The following CLASP1 variants were observed in gnomAD, a reference collection of about 807,000 sequenced individuals.
CLASP1 encodes CLIP-associating protein 1.
Under a neutral mutation model 192.3 loss-of-function variants are expected in CLASP1, and 38 were observed. That is an observed-to-expected ratio of 0.20 (90% CI 0.15 to 0.26). The LOEUF is 0.26. CLASP1 is among the 10% of genes least tolerant of loss of function. CLASP1 has a pLI of 1.00. For missense variants in CLASP1, 1,433 were observed against 1,932.5 expected, an observed-to-expected ratio of 0.74 and a Z score of 4.85; for synonymous variants, 691 against 712.8, an observed-to-expected ratio of 0.97 and a Z score of 0.49.
At chr2:121,578,383 C>T (rs1291881275) in intron 2 of CLASP1, among the ~76,000 whole-genome samples, 1 of 140,840 alleles carries the variant, frequency 7.1e-6, no homozygotes. Flanking sequence ...GATTACACCA[C>T]TGCACTCCAG....
At chr2:121,531,152 T>G (rs544680554) in intron 2 of CLASP1, 2 of 613,452 alleles carry the variant, frequency 3.3e-6, no homozygotes, top group Non-Finnish European at 5.9e-6. Context: ...TTGCGGTGAT[T>G]AAACGGGAAG....
chr2:121,488,383 G>C (rs1169161946), intron 8 of CLASP1, among the ~76,000 whole-genome samples: 1 of 152,134 alleles, frequency 6.6e-6, no homozygotes, highest in Non-Finnish European at 1.5e-5. Context: ...TCAGCAAAGG[G>C]ACTATCATCC....
rs188335544 is a variant in CLASP1, at chr2:121,549,793, C to G, written c.196-19468G>C. ...GGCAGAGGCGGGCAGATCATGAGGTCAGGAGATCGAGACCATCCTGGCTAA... is the reference window on the plus strand; with the variant it reads ...GGCAGAGGCGGGCAGATCATGAGGTGAGGAGATCGAGACCATCCTGGCTAA... On this transcript the variant is annotated intron_variant, in intron 2 of 39. Transcript: ENST00000263710. Among the ~76,000 whole-genome samples the G allele has an allele frequency of 2.8e-3, 415 of 150,182 alleles. 4 individuals carry two copies. The highest frequency in any genetic ancestry group is 0.024 in the East Asian group (121 of 5,100).
At chr2:121,537,558 A>G (rs1575788897) in intron 2 of CLASP1, among the ~76,000 whole-genome samples, 1 of 152,358 alleles carries the variant, frequency 6.6e-6, no homozygotes, top group East Asian at 1.9e-4. Flanking sequence ...CATTAGCTAC[A>G]TTGTTTAAAA....
intron 11 of CLASP1, 27 bp downstream of exon 11, chr2:121,461,074 T>A: frequency 1.5e-6 from 2 of 1,337,722 alleles, no homozygotes; most frequent in Non-Finnish European, 2.1e-6. Context: ...CTTATGAAAA[T>A]GTAATCACAT....
chr2:121,630,697 C>G (rs1299528428), intron 1 of CLASP1, among the ~76,000 whole-genome samples: 1 of 149,916 alleles, frequency 6.7e-6, no homozygotes, highest in East Asian at 2.0e-4. Flanking sequence ...AACTCTGTCT[C>G]TACTGAAAAT....
Position 121,546,821 on chromosome 2 carries a change from C to T in CLASP1, c.196-16496G>A, listed in dbSNP as rs140056098. On this transcript the variant is annotated intron_variant, in intron 2 of 39. Coordinates refer to ENST00000263710, the Ensembl canonical transcript of CLASP1. The stretch of plus-strand genomic sequence containing the variant: ...AACTAGGGGCAGACCCTGAGCATAG[C>T]ATGGCTGCTCTATGAAAAAGAGGTC... Among the ~76,000 whole-genome samples, 997 of 152,280 alleles carry T rather than the reference C, an allele frequency of 6.5e-3. 15 individuals are homozygous for T. The highest frequency in any genetic ancestry group is 0.023 in the African/African-American group (953 of 41,554).
At chr2:121,466,114 A>T (rs2089521318) in intron 9 of CLASP1, among the ~76,000 whole-genome samples, 1 of 152,240 alleles carries the variant, frequency 6.6e-6, no homozygotes, top group South Asian at 2.1e-4. Context: ...GAATAGTTCA[A>T]GAAAAAAGAT....
intron 1 of CLASP1, among the ~76,000 whole-genome samples, chr2:121,626,009 G>A (rs955003892): frequency 2.0e-5 from 3 of 151,354 alleles, no homozygotes; most frequent in Non-Finnish European, 4.4e-5. Context: ...TGAGGCAAGA[G>A]AATCACTTTG....
intron 8 of CLASP1, among the ~76,000 whole-genome samples, chr2:121,472,277 T>C (rs1370000888): frequency 6.6e-6 from 1 of 152,244 alleles, no homozygotes; most frequent in Non-Finnish European, 1.5e-5. Flanking sequence ...CCTGAAATTT[T>C]TGCTTGCATC....
At chr2:121,529,569 A>C (rs2094695682) in intron 3 of CLASP1, among the ~76,000 whole-genome samples, 1 of 152,238 alleles carries the variant, frequency 6.6e-6, no homozygotes, top group Non-Finnish European at 1.5e-5. Context: ...GGTTGCATAG[A>C]GATGCTTAGT....
At chr2:121,447,137 C>T (rs1381994144) in intron 19 of CLASP1, among the ~76,000 whole-genome samples, 200 bp downstream of exon 19, 1 of 152,188 alleles carries the variant, frequency 6.6e-6, no homozygotes, top group African/African-American at 2.4e-5. Context: ...AGCACTAAAA[C>T]GGATGATGCA....
chr2:121,474,629 G>C (rs7561895), intron 8 of CLASP1, among the ~76,000 whole-genome samples: 135 of 152,232 alleles, frequency 8.9e-4, no homozygotes, highest in African/African-American at 2.9e-3. Context: ...GCAGCTACTC[G>C]GGAGGCTGAG....
intron 37 of CLASP1, among the ~76,000 whole-genome samples, chr2:121,362,606 A>G (rs2066634352): frequency 6.6e-6 from 1 of 152,270 alleles, no homozygotes; most frequent in South Asian, 2.1e-4. Context: ...GAGGAAGGTC[A>G]GTACAGCAGC....
In CLASP1 at chr2:121,478,643, ACC is replaced by A. The variant is rs1486283470; in HGVS notation, c.713-8685_713-8684del. 2.5e-3 allele frequency among the ~76,000 whole-genome samples: 197 copies of A among 77,320 alleles called. 1 individual carries two copies. Among genetic ancestry groups the A allele is most frequent in the African/African-American group, 0.011 (190 of 17,116 alleles). 50.7% of individuals were successfully genotyped at this position (77,320 alleles called of 152,430 possible). A position where few individuals can be genotyped will look rare whatever the true frequency, so the allele number is the denominator to read the frequency against. On this transcript the variant is annotated intron_variant, in intron 8 of 39. Coordinates refer to ENST00000263710, the Ensembl canonical transcript of CLASP1. ...CACACACACACATACACACACACAC[ACC>A]CCCCACACACACACACCCCCCACAC...
chr2:121,649,285 C>G (rs966795609), intron 1 of CLASP1, 87 bp downstream of exon 1: 1 of 152,240 alleles, frequency 6.6e-6, no homozygotes, highest in African/African-American at 2.4e-5. Context: ...CGCCCCCACC[C>G]AGACCCGGCG....
At chr2:121,544,934 C>T (rs770972933) in intron 2 of CLASP1, among the ~76,000 whole-genome samples, 45 of 143,256 alleles carry the variant, frequency 3.1e-4, no homozygotes, top group East Asian at 2.8e-3. Context: ...ATTTTTGAGA[C>T]GGAGTCTCGC....
intron 7 of CLASP1, 97 bp downstream of exon 7, chr2:121,515,568 C>G (rs2094265706): frequency 1.1e-6 from 1 of 909,768 alleles, no homozygotes; most frequent in Non-Finnish European, 1.7e-6. Flanking sequence ...ATAAAATAAC[C>G]ACAACAGAAA....
At chr2:121,479,211 A>C (rs2092386736) in intron 8 of CLASP1, among the ~76,000 whole-genome samples, 1 of 152,212 alleles carries the variant, frequency 6.6e-6, no homozygotes, top group African/African-American at 2.4e-5. Flanking sequence ...AAAGAAAAAA[A>C]AAAAGCATGC....
Sources: allele counts gnomAD v4.1 joint callset (sites outside exome capture counted in the v4.1 genomes callset), GRCh38; gene constraint gnomAD v4.1.1; transcripts MANE v1.5; gene names NCBI Gene and HGNC (gene_info 2026-07-23, HGNC 2026-07-21).